Variants in MED12L observed in about 807,000 individuals in gnomAD.
MED12L encodes the protein mediator of RNA polymerase II transcription subunit 12-like protein.
Under a neutral mutation model 281.3 loss-of-function variants are expected in MED12L, and 60 were observed. That is an observed-to-expected ratio of 0.21 (90% CI 0.17 to 0.26). The LOEUF is 0.26. Ranked by LOEUF, MED12L falls within the 10% of genes least tolerant of loss-of-function variation. MED12L has a pLI of 1.00. For synonymous variants in MED12L, 974 were observed against 987.2 expected, an observed-to-expected ratio of 0.99 and a Z score of 0.25; for missense variants, 2,146 against 2,680.9, an observed-to-expected ratio of 0.80 and a Z score of 4.41.
chr3:151,370,237 G>C (rs1205962135), intron 26 of MED12L, among the ~76,000 whole-genome samples: 1 of 152,114 alleles, frequency 6.6e-6, no homozygotes, highest in Admixed American at 6.5e-5. Context: ...TAAAGGCTTT[G>C]AATGATTAGG....
intron 5 of MED12L, among the ~76,000 whole-genome samples, chr3:151,150,341 TG>T (rs1401216736): frequency 1.3e-5 from 2 of 152,182 alleles, no homozygotes; most frequent in Admixed American, 6.5e-5. Flanking sequence ...TGAACAGTCA[TG>T]TTTTGAAAGG....
intron 2 of MED12L, among the ~76,000 whole-genome samples, chr3:151,108,903 G>A (rs1308892988): frequency 1.3e-5 from 2 of 152,062 alleles, no homozygotes; most frequent in African/African-American, 2.4e-5. Context: ...TCCCAAACTA[G>A]CATCAAAATG....
In MED12L at chr3:151,242,520, ACAG is replaced by A. The variant is rs746808442; in HGVS notation, c.2250+48858_2250+48860del. On this transcript the variant is annotated intron_variant, in intron 16 of 44. Coordinates refer to ENST00000687756, the MANE Select transcript of MED12L (RefSeq NM_001393769.1). Reference sequence around the variant, plus strand: ...CAGCAGGGGCACACTGACACCTCACACAGCAGGGTATTCCAACAGACCTGCAGC... The same window carrying A: ...CAGCAGGGGCACACTGACACCTCACACAGGGTATTCCAACAGACCTGCAGC... 6.6e-4 allele frequency among the ~76,000 whole-genome samples: 101 copies of A among 152,096 alleles called. No individual in the cohort carries two copies. In the Middle Eastern group the frequency reaches 0.01, roughly 15 times the overall value.
At chr3:151,284,087 C>T (rs1743149925) in intron 16 of MED12L, among the ~76,000 whole-genome samples, 1 of 152,186 alleles carries the variant, frequency 6.6e-6, no homozygotes, top group Non-Finnish European at 1.5e-5. Flanking sequence ...TAAGAACATA[C>T]TTCGTTTTTG....
chr3:151,171,862 G>A (rs1013831862), intron 11 of MED12L, among the ~76,000 whole-genome samples: 9 of 152,152 alleles, frequency 5.9e-5, no homozygotes, highest in African/African-American at 1.7e-4. Context: ...TCCTGCAAGC[G>A]TTTCCCTGGG....
At chr3:151,427,613 C>A (rs182533125) in intron 43 of MED12L, among the ~76,000 whole-genome samples, 1 of 152,240 alleles carries the variant, frequency 6.6e-6, no homozygotes, top group East Asian at 1.9e-4. Flanking sequence ...ACCATGTACC[C>A]CAATATGCTG....
chr3:151,386,174 T>A (rs1713313075), intron 36 of MED12L, among the ~76,000 whole-genome samples: 1 of 152,190 alleles, frequency 6.6e-6, no homozygotes, highest in Admixed American at 6.5e-5. Flanking sequence ...TAGAGTAGCC[T>A]GAGAATCTAA....
At chr3:151,151,378 C>T (rs1407222326) in intron 5 of MED12L, among the ~76,000 whole-genome samples, 3 of 151,946 alleles carry the variant, frequency 2.0e-5, no homozygotes, top group East Asian at 1.9e-4. Flanking sequence ...CTTTCCTTTG[C>T]GTCCACAGGT....
At chr3:151,362,562 C>T (rs909529078) in intron 21 of MED12L, among the ~76,000 whole-genome samples, 8 of 151,942 alleles carry the variant, frequency 5.3e-5, no homozygotes, top group African/African-American at 1.9e-4. Context: ...TCATTCTGAG[C>T]CTCAGCACTT....
Position 151,159,992 on chromosome 3 carries a change from G to T in MED12L, c.998G>T (p.Ser333Ile). 1.2e-6 allele frequency: 2 copies of T among 1,614,190 alleles called. No homozygotes were observed. The highest frequency in any genetic ancestry group is 1.7e-6 in the Non-Finnish European group (2 of 1,180,030). ...AACAACTCGAGTATCGGGGCCCCCAGCCCTGGCCCCCCCGGCCCTGGCATG... is the reference window on the plus strand; with the variant it reads ...AACAACTCGAGTATCGGGGCCCCCATCCCTGGCCCCCCCGGCCCTGGCATG... ...GPNNSSIGAP[S>I]PGPPGPGMSP... is the part of the protein sequence containing the mutation. Residue 333 changes from serine to isoleucine, a missense_variant, in exon 8 of 45, where the codon AGC becomes ATC. Coordinates refer to ENST00000687756, the MANE Select transcript of MED12L (RefSeq NM_001393769.1).
chr3:151,328,312 T>G, intron 16 of MED12L: 1 of 1,613,886 alleles, frequency 6.2e-7, no homozygotes, highest in Non-Finnish European at 8.5e-7. Flanking sequence ...TTTTGTTGTT[T>G]TTTCTGTCCT....
At chr3:151,391,685 A>G (rs1357219486) in intron 38 of MED12L, among the ~76,000 whole-genome samples, 3 of 152,216 alleles carry the variant, frequency 2.0e-5, no homozygotes, top group Admixed American at 6.5e-5. Flanking sequence ...TGCAGCACAC[A>G]AGCCATGAGT....
chr3:151,201,879 A>G (rs539640551), intron 16 of MED12L, among the ~76,000 whole-genome samples: 9 of 152,364 alleles, frequency 5.9e-5, no homozygotes, highest in African/African-American at 2.2e-4. Flanking sequence ...AATATTACAT[A>G]ATAATGGTAA....
chr3:151,191,071 C>A (rs192688438), intron 14 of MED12L, 140 bp downstream of exon 14: 1 of 688,502 alleles, frequency 1.5e-6, no homozygotes, highest in Non-Finnish European at 2.4e-6. Context: ...ATCTCTACTT[C>A]TCGAGCAGGA....
Position 151,373,560 on chromosome 3 carries a change from G to T in MED12L, c.3864+794G>T, listed in dbSNP as rs1356184501. ...TTACTATGATGGTTGCAAAATGGTG[G>T]TTTTTTTTTTTCCCCAACTTCTCCT... On this transcript the variant is annotated intron_variant, in intron 27 of 44. Coordinates refer to ENST00000687756, the MANE Select transcript of MED12L (RefSeq NM_001393769.1). 4.3e-3 allele frequency among the ~76,000 whole-genome samples: 621 copies of T among 145,868 alleles called. 4 individuals carry two copies. Among genetic ancestry groups the T allele is most frequent in the African/African-American group, 0.013 (539 of 39,978 alleles).
At position 151,417,170 on chromosome 3, in the gene MED12L, G is replaced by A. The variant is rs549250013; in HGVS notation, c.6408+748G>A. On this transcript the variant is annotated intron_variant, in intron 43 of 44. Coordinates refer to ENST00000687756, the MANE Select transcript of MED12L (RefSeq NM_001393769.1). Reference sequence around the variant, plus strand: ...TAGAAGGGAATCTCCATTTAACTGAGTGATGTGAATTGCATGAATGAGCCC... The same window carrying A: ...TAGAAGGGAATCTCCATTTAACTGAATGATGTGAATTGCATGAATGAGCCC... Among the ~76,000 whole-genome samples, 4 of 152,294 alleles carry A rather than the reference G, an allele frequency of 2.6e-5. No individual in the cohort carries two copies. In the South Asian group the frequency reaches 8.3e-4, roughly 32 times the overall value.
At chr3:151,316,987 G>A (rs55755788) in intron 16 of MED12L, 4,078 of 152,154 alleles carry the variant, frequency 0.027, 170 homozygotes, top group African/African-American at 0.094. Context: ...CTTAAGGAGT[G>A]GGGGATGAAG....
chr3:151,428,798 C>A (rs1014834473), intron 43 of MED12L, among the ~76,000 whole-genome samples: 1 of 152,138 alleles, frequency 6.6e-6, no homozygotes. Flanking sequence ...TAGTGTATAT[C>A]CCAAATACTG....
rs115840547 is a variant in MED12L, at chr3:151,207,589, A to G, written c.2250+13923A>G. Reference sequence around the variant, plus strand: ...CTTGGATGCTCCCTGGGATTTTAATAAAGTAAGCATTGGAGAGCTCATGGT... The same window carrying G: ...CTTGGATGCTCCCTGGGATTTTAATGAAGTAAGCATTGGAGAGCTCATGGT... On this transcript the variant is annotated intron_variant, in intron 16 of 44. Coordinates refer to ENST00000687756, the MANE Select transcript of MED12L (RefSeq NM_001393769.1). 7.8e-3 allele frequency among the ~76,000 whole-genome samples: 1,194 copies of G among 152,298 alleles called. 7 individuals are homozygous for G. The highest frequency in any genetic ancestry group is 0.014 in the Non-Finnish European group (935 of 68,030).
Sources: gnomAD v4.1 joint callset for allele counts (sites outside exome capture counted in the v4.1 genomes callset) on GRCh38, gnomAD v4.1.1 for gene constraint, MANE v1.5 for transcripts, NCBI Gene and HGNC (gene_info 2026-07-23, HGNC 2026-07-21) for gene names.